Variants in MTUS2 observed in about 807,000 individuals in gnomAD.
MTUS2 encodes microtubule-associated tumor suppressor candidate 2.
A neutral mutation model predicts 114.1 loss-of-function variants in MTUS2; 40 were observed. That is an observed-to-expected ratio of 0.35 (90% CI 0.27 to 0.46). The LOEUF (loss-of-function observed/expected upper bound fraction) is 0.46. Ranked by LOEUF, MTUS2 falls within the 20% of genes least tolerant of loss-of-function variation. MTUS2 has a pLI of 1.00. For missense variants in MTUS2, 1,679 were observed against 1,705.4 expected (o/e 0.98, Z 0.27); for synonymous variants, 688 against 672.0 (o/e 1.02, Z -0.37).
intron 5 of MTUS2, among the ~76,000 whole-genome samples, chr13:29,267,185 A>AGG (rs954510057): frequency 5.9e-5 from 9 of 152,238 alleles, no homozygotes; most frequent in African/African-American, 2.2e-4. Flanking sequence ...GTATATACAA[A>AGG]GGGAAGATAT....
At chr13:29,440,625 A>G (rs146095155) in intron 9 of MTUS2, among the ~76,000 whole-genome samples, 490 of 152,250 alleles carry the variant, frequency 3.2e-3, no homozygotes, top group Middle Eastern at 6.8e-3. Context: ...GGTATTTGCC[A>G]TATTCTCATT....
At chr13:29,498,665 A>G in intron 14 of MTUS2, 128 bp downstream of exon 14, 5 of 1,281,946 alleles carry the variant, frequency 3.9e-6, no homozygotes, top group Non-Finnish European at 5.3e-6. Flanking sequence ...CAAGCAGAAA[A>G]TCCCACAGCT....
intron 2 of MTUS2, among the ~76,000 whole-genome samples, chr13:28,989,443 A>G (rs944688649): frequency 3.3e-5 from 5 of 152,250 alleles, no homozygotes; most frequent in African/African-American, 1.2e-4. Flanking sequence ...CCTCATTAAC[A>G]AAGTCCCTTG....
At chr13:29,285,182 A>G (rs1267250540) in intron 6 of MTUS2, among the ~76,000 whole-genome samples, 1 of 148,370 alleles carries the variant, frequency 6.7e-6, no homozygotes, top group African/African-American at 2.5e-5. Flanking sequence ...GGCATATGAT[A>G]AAAAACAAAA....
intron 5 of MTUS2, among the ~76,000 whole-genome samples, chr13:29,104,171 T>C (rs1275223507): frequency 6.6e-6 from 1 of 152,202 alleles, no homozygotes; most frequent in Non-Finnish European, 1.5e-5. Context: ...CTCTTCTATG[T>C]CTTTTTACCT....
intron 8 of MTUS2, among the ~76,000 whole-genome samples, chr13:29,404,211 T>TGTG (rs1334468923): frequency 2.8e-5 from 4 of 140,950 alleles, no homozygotes; most frequent in Non-Finnish European, 6.1e-5. Flanking sequence ...ATTAGCCGAG[T>TGTG]GTGGTGGTGT....
At chr13:28,937,729 G>C (rs1881986099) in intron 2 of MTUS2, among the ~76,000 whole-genome samples, 2 of 152,126 alleles carry the variant, frequency 1.3e-5, no homozygotes, top group Admixed American at 6.5e-5. Flanking sequence ...TCAGAGCATA[G>C]CCTAGAGTGT....
intron 9 of MTUS2, chr13:29,476,368 A>G (rs78115414): frequency 4.6e-5 from 7 of 152,224 alleles, no homozygotes; most frequent in Admixed American, 3.3e-4. Flanking sequence ...TAGGGTTTTC[A>G]TTGTTTTATT....
intron 5 of MTUS2, among the ~76,000 whole-genome samples, chr13:29,200,612 C>T (rs1894911458): frequency 6.8e-6 from 1 of 147,656 alleles, no homozygotes; most frequent in Non-Finnish European, 1.5e-5. Flanking sequence ...CCTCCATTTC[C>T]TGGGTTCAAG....
chr13:29,456,866 G>A (rs1023071448), intron 9 of MTUS2, among the ~76,000 whole-genome samples: 12 of 152,108 alleles, frequency 7.9e-5, no homozygotes, highest in Non-Finnish European at 1.6e-4. Flanking sequence ...GGCCGGGCAC[G>A]GTGGCTCACG....
At chr13:28,885,551 C>CCT (rs1878543233) in intron 2 of MTUS2, among the ~76,000 whole-genome samples, 1 of 152,192 alleles carries the variant, frequency 6.6e-6, no homozygotes, top group African/African-American at 2.4e-5. Flanking sequence ...GGAGAGGCAT[C>CCT]AAAGTATGGA....
chr13:29,071,549 C>T (rs1268454304), intron 4 of MTUS2, among the ~76,000 whole-genome samples: 1 of 149,230 alleles, frequency 6.7e-6, no homozygotes, highest in African/African-American at 2.5e-5. Context: ...GCCTCAGCCT[C>T]CTGAGTAGCT....
At chr13:29,032,630 G>A (rs1886880714) in intron 3 of MTUS2, among the ~76,000 whole-genome samples, 1 of 152,194 alleles carries the variant, frequency 6.6e-6, no homozygotes, top group Non-Finnish European at 1.5e-5. Context: ...ATTTTACAGT[G>A]TGATTATGAT....
chr13:28,859,831 G>C (rs1876861602), intron 2 of MTUS2, among the ~76,000 whole-genome samples: 1 of 152,144 alleles, frequency 6.6e-6, no homozygotes, highest in Non-Finnish European at 1.5e-5. Context: ...TCCACAGACG[G>C]GGGTGGGTGG....
rs1175284490 is a variant in MTUS2, at chr13:29,496,752, C to T, written c.3580-486C>T. Among the ~76,000 whole-genome samples the T allele has an allele frequency of 6.6e-6, 1 of 152,032 alleles. No individual in the cohort carries two copies. The highest frequency in any genetic ancestry group is 1.5e-5 in the Non-Finnish European group (1 of 68,010). On this transcript the variant is annotated intron_variant, in intron 12 of 15. Transcript: ENST00000612955. The surrounding 1 kb of genome is among the most constrained non-coding windows in gnomAD (Gnocchi z 4.3). ...CAGGATGGCAGGAGTTGATTATGGA[C>T]TTGGTGATTAGAAGGTTTGTTGATG...
chr13:28,968,374 C>T (rs371774430), intron 2 of MTUS2, among the ~76,000 whole-genome samples: 5 of 152,090 alleles, frequency 3.3e-5, no homozygotes, highest in African/African-American at 7.2e-5. Flanking sequence ...TTGGCAAATA[C>T]GTCATTGCAA....
intron 6 of MTUS2, chr13:29,307,606 A>C: frequency 8.5e-7 from 1 of 1,172,778 alleles, no homozygotes; most frequent in East Asian, 2.4e-5. Context: ...CCTGGGCTAC[A>C]CTGAGTACCA....
At position 29,025,744 on chromosome 13, in the gene MTUS2, G is replaced by A. The variant is rs1886505430; in HGVS notation, c.1046G>A (p.Cys349Tyr). The A allele has an allele frequency of 1.2e-6, 2 of 1,613,922 alleles. No homozygotes were observed. Among genetic ancestry groups the A allele is most frequent in the African/African-American group, 1.3e-5 (1 of 74,942 alleles). The change falls in exon 3 of 16, where the codon TGT (cysteine) becomes TAT (tyrosine). Residue 349 changes from cysteine to tyrosine, a missense_variant. Cys to Tyr is a radical substitution (Grantham distance 194, BLOSUM62 -2). Around this residue, in one of 3 missense-constraint regions of MTUS2, gnomAD observed 843 missense variants for 770.8 expected, o/e 1.09. Transcript: ENST00000612955. ...NLSALEGRDP[C>Y]GEAHPEATDA... Reference sequence around the variant, plus strand: ...TCAGCCTTGGAGGGAAGGGATCCATGTGGGGAAGCACACCCGGAAGCCACC... The same window carrying A: ...TCAGCCTTGGAGGGAAGGGATCCATATGGGGAAGCACACCCGGAAGCCACC...
chr13:29,316,528 C>A (rs147349568), intron 6 of MTUS2, among the ~76,000 whole-genome samples: 4 of 152,294 alleles, frequency 2.6e-5, no homozygotes, highest in African/African-American at 9.6e-5. Flanking sequence ...AGCTTTCTCA[C>A]CCCTGCCCCT....
Sources: allele counts gnomAD v4.1 joint callset (sites outside exome capture counted in the v4.1 genomes callset), GRCh38; gene constraint gnomAD v4.1.1; regional missense constraint gnomAD v4.1.1; non-coding constraint Gnocchi (gnomAD v3.1); transcripts MANE v1.5; gene names NCBI Gene and HGNC (gene_info 2026-07-23, HGNC 2026-07-21).